Variants in PTTG1IP2 observed in about 807,000 individuals in gnomAD.
The protein encoded by PTTG1IP2 is PTTG1IP family member 2.
At chr7:90,470,245 T>C (rs1797666900) in intron 1 of PTTG1IP2, 1 of 152,210 alleles carries the variant, frequency 6.6e-6, no homozygotes, top group African/African-American at 2.4e-5. Flanking sequence ...CATTGGGTTT[T>C]GTTCTAATCA....
chr7:90,480,833 A>G (rs565678557), intron 2 of PTTG1IP2, among the ~76,000 whole-genome samples: 2 of 152,180 alleles, frequency 1.3e-5, no homozygotes, highest in African/African-American at 4.8e-5. Flanking sequence ...CTTGTTGGAG[A>G]AACTAGATTG....
chr7:90,485,034 C>T (rs1203581762), intron 2 of PTTG1IP2, among the ~76,000 whole-genome samples: 1 of 152,120 alleles, frequency 6.6e-6, no homozygotes, highest in Non-Finnish European at 1.5e-5. Flanking sequence ...TACTAGGCTA[C>T]TGCCTGGGTC....
At chr7:90,511,924 G>C (rs1798195115) in intron 6 of PTTG1IP2, among the ~76,000 whole-genome samples, 1 of 152,182 alleles carries the variant, frequency 6.6e-6, no homozygotes, top group Non-Finnish European at 1.5e-5. Flanking sequence ...CTTCCACTCA[G>C]CCTGGGCATT....
chr7:90,513,029 G>A (rs933828370), intron 6 of PTTG1IP2, among the ~76,000 whole-genome samples: 6 of 152,170 alleles, frequency 3.9e-5, no homozygotes, highest in Admixed American at 1.3e-4. Context: ...GAAATAAATC[G>A]TTTATGTTAG....
intron 6 of PTTG1IP2, among the ~76,000 whole-genome samples, chr7:90,508,291 G>T (rs77851080): frequency 4.7e-5 from 3 of 64,030 alleles, no homozygotes; most frequent in African/African-American, 8.3e-5. Context: ...GAAAAGAAAA[G>T]AAAAAATATT....
chr7:90,470,183 C>T (rs1019666478), intron 1 of PTTG1IP2: 2 of 152,116 alleles, frequency 1.3e-5, no homozygotes, highest in Non-Finnish European at 2.9e-5. Flanking sequence ...GGTTTCTCCC[C>T]CATCACTTTC....
chr7:90,483,050 G>A (rs1797831307), intron 2 of PTTG1IP2, among the ~76,000 whole-genome samples: 1 of 152,168 alleles, frequency 6.6e-6, no homozygotes, highest in Non-Finnish European at 1.5e-5. Context: ...AATTGTGTGT[G>A]TGTGTGTGGT....
At chr7:90,488,153 G>A (rs1584694799) in intron 3 of PTTG1IP2, among the ~76,000 whole-genome samples, 1 of 151,972 alleles carries the variant, frequency 6.6e-6, no homozygotes, top group African/African-American at 2.4e-5. Flanking sequence ...CTAGCTATGT[G>A]AAAAAACCCA....
rs1798198491 is a variant in PTTG1IP2 at position 90,512,231 on chromosome 7, C to T, written c.*51-1047C>T. On this transcript the variant is annotated intron_variant, in intron 6 of 6. Coordinates refer to ENST00000509356, the MANE Select transcript of PTTG1IP2 (RefSeq NM_001365443.2). ...TGTACAACACAGGCGATGCTCTCTG[C>T]CCTTGTGGAGCTTATATTCCTAGGT... 2.0e-5 allele frequency among the ~76,000 whole-genome samples: 3 copies of T among 152,260 alleles called. No homozygotes were observed. In the South Asian group the frequency reaches 6.2e-4, roughly 32 times the overall value.
chr7:90,478,195 C>G (rs1364344477), intron 1 of PTTG1IP2, among the ~76,000 whole-genome samples: 3 of 151,054 alleles, frequency 2.0e-5, no homozygotes, highest in Non-Finnish European at 4.4e-5. Context: ...TTCTGTAAAT[C>G]TGAAATTATA....
intron 2 of PTTG1IP2, among the ~76,000 whole-genome samples, chr7:90,482,417 T>A (rs1164311003): frequency 6.6e-6 from 1 of 152,108 alleles, no homozygotes; most frequent in Non-Finnish European, 1.5e-5. Context: ...TCTGAAACAT[T>A]TCCTTGTGAT....
chr7:90,478,723 T>C (rs1255939812), intron 1 of PTTG1IP2, among the ~76,000 whole-genome samples: 1 of 152,198 alleles, frequency 6.6e-6, no homozygotes, highest in African/African-American at 2.4e-5. Flanking sequence ...TCTAGAACTT[T>C]CAAATATAAA....
intron 2 of PTTG1IP2, among the ~76,000 whole-genome samples, chr7:90,481,245 A>G (rs1393096872): frequency 1.3e-5 from 2 of 152,138 alleles, no homozygotes; most frequent in Non-Finnish European, 2.9e-5. Flanking sequence ...TTTATGGGGA[A>G]CATGAGATGT....
intron 6 of PTTG1IP2, among the ~76,000 whole-genome samples, chr7:90,504,820 A>T (rs1457404019): frequency 6.6e-6 from 1 of 152,202 alleles, no homozygotes; most frequent in Admixed American, 6.5e-5. Context: ...CTCATGGCTG[A>T]TTATGTGTGC....
intron 6 of PTTG1IP2, among the ~76,000 whole-genome samples, chr7:90,510,626 T>C (rs2116136818): frequency 6.6e-6 from 1 of 152,270 alleles, no homozygotes; most frequent in South Asian, 2.1e-4. Context: ...GTGAAGAAAA[T>C]TGAAGGTAAT....
chr7:90,473,163 T>C (rs1041109064), intron 1 of PTTG1IP2, among the ~76,000 whole-genome samples: 6 of 152,198 alleles, frequency 3.9e-5, no homozygotes, highest in African/African-American at 1.4e-4. Flanking sequence ...CATAATCCCT[T>C]GGACATAAGA....
At chr7:90,483,763 A>G (rs1442437191) in intron 2 of PTTG1IP2, among the ~76,000 whole-genome samples, 2 of 152,202 alleles carry the variant, frequency 1.3e-5, no homozygotes, top group South Asian at 2.1e-4. Flanking sequence ...TACAGGCCCT[A>G]TTTCTTCCCT....
intron 1 of PTTG1IP2, among the ~76,000 whole-genome samples, chr7:90,470,963 C>CCAAAAAA (rs1797677635): frequency 9.2e-6 from 1 of 108,112 alleles, no homozygotes; most frequent in Non-Finnish European, 2.0e-5. Context: ...TGATGAAGAA[C>CCAAAAAA]AAAAAAAAAA....
At chr7:90,504,320 GA>G (rs11344275) in intron 6 of PTTG1IP2, among the ~76,000 whole-genome samples, 14,254 of 143,594 alleles carry the variant, frequency 0.099, 1,340 homozygotes, top group East Asian at 0.51. Flanking sequence ...CATGTCAAGA[GA>G]AAAAAAAAAA....
Sources: allele counts gnomAD v4.1 joint callset (sites outside exome capture counted in the v4.1 genomes callset), GRCh38; gene constraint gnomAD v4.1.1; transcripts MANE v1.5; gene names NCBI Gene and HGNC (gene_info 2026-07-23, HGNC 2026-07-21).